CDH2: variants seen among roughly 807,000 people sequenced by gnomAD.
CDH2 encodes cadherin 2.
In CDH2, 17 loss-of-function variants were observed where a neutral mutation model predicts 92.0. The ratio of observed to expected loss-of-function variants is 0.18; its 90% CI spans 0.13 to 0.28. CDH2 has a LOEUF of 0.28. Among genes scored for constraint, CDH2 ranks in the 10% least tolerant of loss-of-function variants. CDH2 has a pLI of 1.00. For missense variants in CDH2, 862 were observed against 1,133.1 expected (o/e 0.76, Z 3.44); for synonymous variants, 419 against 415.9 (o/e 1.01, Z -0.09).
chr18:28,051,487 G>A (rs1199301356), intron 2 of CDH2, among the ~76,000 whole-genome samples: 1 of 152,194 alleles, frequency 6.6e-6, no homozygotes, highest in Non-Finnish European at 1.5e-5. Flanking sequence ...TATAAGGTAA[G>A]AGAAAGTGAT....
intron 2 of CDH2, among the ~76,000 whole-genome samples, chr18:28,115,526 TTCCTGGTA>T: frequency 6.6e-6 from 1 of 152,218 alleles, no homozygotes. Flanking sequence ...CTTCCACTGG[TTCCTGGTA>T]TCTTGCTCAG....
intron 2 of CDH2, among the ~76,000 whole-genome samples, chr18:28,118,102 GT>G (rs35084872): frequency 0.24 from 34,705 of 146,846 alleles, 4,465 homozygotes; most frequent in Non-Finnish European, 0.3. Flanking sequence ...GCTGAGTTCT[GT>G]TTTTTTTTTT....
intron 2 of CDH2, among the ~76,000 whole-genome samples, chr18:28,108,563 C>T (rs986060110): frequency 6.6e-6 from 1 of 152,102 alleles, no homozygotes; most frequent in African/African-American, 2.4e-5. Flanking sequence ...TGTAACAGAA[C>T]CCATCCAATT....
intron 2 of CDH2, among the ~76,000 whole-genome samples, chr18:28,015,745 G>A (rs1567965132): frequency 6.6e-6 from 1 of 152,050 alleles, no homozygotes; most frequent in Non-Finnish European, 1.5e-5. Context: ...AGCCTCCTGG[G>A]TAGTCTTCCC....
intron 1 of CDH2, among the ~76,000 whole-genome samples, chr18:28,175,832 C>A (rs1384853067): frequency 1.3e-5 from 2 of 152,216 alleles, no homozygotes; most frequent in African/African-American, 4.8e-5. Flanking sequence ...TGCCCCGCGG[C>A]GAGGGTGGGC....
At chr18:28,111,095 C>T (rs17536229) in intron 2 of CDH2, among the ~76,000 whole-genome samples, 1 of 152,166 alleles carries the variant, frequency 6.6e-6, no homozygotes, top group Non-Finnish European at 1.5e-5. Context: ...GCTCTCCTAT[C>T]GACTCCCAAG....
intron 10 of CDH2, 37 bp from the exon 11 acceptor site, chr18:27,988,703 A>C: frequency 6.8e-7 from 1 of 1,475,442 alleles, no homozygotes; most frequent in Non-Finnish European, 9.4e-7. Flanking sequence ...TCTTTTTATG[A>C]AACTTTAAAA....
In CDH2 at chr18:27,963,778, A is replaced by G. The variant is rs1273018896; in HGVS notation, c.2350-257T>C. The G allele has an allele frequency of 1.8e-5, 8 of 436,200 alleles. No homozygotes were observed. In the East Asian group the frequency reaches 3.3e-4, roughly 18 times the overall value. 27.0% of individuals were successfully genotyped at this position (436,200 alleles called of 1,614,324 possible). On this transcript the variant is annotated intron_variant, in intron 14 of 15. Coordinates refer to ENST00000269141, the MANE Select transcript of CDH2 (RefSeq NM_001792.5). ...TCATCAGTTTCCAATGAAAAACAGC[A>G]GTGTGATGAGGTCTCACTATAAAAC...
At chr18:28,147,829 C>T (rs1287015673) in intron 1 of CDH2, 45 bp from the exon 2 acceptor site, 5 of 1,045,486 alleles carry the variant, frequency 4.8e-6, no homozygotes, top group Middle Eastern at 2.1e-4. Flanking sequence ...ATGATTGCTA[C>T]CTCCTTCAAC....
At chr18:27,972,559 C>A (rs1437133669) in intron 14 of CDH2, among the ~76,000 whole-genome samples, 1 of 152,156 alleles carries the variant, frequency 6.6e-6, no homozygotes, top group Admixed American at 6.5e-5. Flanking sequence ...AAATATGCAA[C>A]AATGCTAGCA....
chr18:28,139,986 T>C (rs1331811444), intron 2 of CDH2, among the ~76,000 whole-genome samples: 1 of 151,978 alleles, frequency 6.6e-6, no homozygotes, highest in African/African-American at 2.4e-5. Flanking sequence ...CGATCTTCTC[T>C]ATCACAGTCA....
chr18:28,120,577 C>T (rs916636876), intron 2 of CDH2, among the ~76,000 whole-genome samples: 2 of 151,800 alleles, frequency 1.3e-5, no homozygotes, highest in African/African-American at 4.8e-5. Context: ...GGTACATGGC[C>T]GAACACGCTG....
chr18:28,051,226 G>A (rs925796517), intron 2 of CDH2, among the ~76,000 whole-genome samples: 1 of 152,022 alleles, frequency 6.6e-6, no homozygotes, highest in African/African-American at 2.4e-5. Context: ...CAGGGTAGTC[G>A]GGATTTCTCT....
At chr18:28,060,173 C>T (rs2014374135) in intron 2 of CDH2, among the ~76,000 whole-genome samples, 2 of 137,322 alleles carry the variant, frequency 1.5e-5, no homozygotes, top group Non-Finnish European at 3.2e-5. Flanking sequence ...ATAATTCCTC[C>T]TTTACTTATC....
At chr18:28,002,168 G>A (rs925644513) in intron 7 of CDH2, among the ~76,000 whole-genome samples, 2 of 152,204 alleles carry the variant, frequency 1.3e-5, no homozygotes, top group Admixed American at 1.3e-4. Flanking sequence ...AATATGAGCA[G>A]TGCTTGAATC....
At chr18:28,013,617 A>T (rs1217195947) in intron 3 of CDH2, 66 bp downstream of exon 3, 9 of 1,106,786 alleles carry the variant, frequency 8.1e-6, no homozygotes, top group Non-Finnish European at 1.1e-5. Flanking sequence ...AGCAAAGCAT[A>T]TATTTAGTTC....
chr18:28,081,966 C>A (rs28365300), intron 2 of CDH2, among the ~76,000 whole-genome samples: 3,669 of 152,236 alleles, frequency 0.024, 64 homozygotes, highest in East Asian at 0.054. Flanking sequence ...TGAATACCAT[C>A]TTTTTCAGTG....
intron 14 of CDH2, among the ~76,000 whole-genome samples, chr18:27,966,504 A>G (rs1298582569): frequency 6.6e-6 from 1 of 152,210 alleles, no homozygotes; most frequent in African/African-American, 2.4e-5. Flanking sequence ...GAGGCTGCAA[A>G]TAAAATTGCA....
At chr18:28,060,084 C>T (rs938547904) in intron 2 of CDH2, among the ~76,000 whole-genome samples, 2 of 151,964 alleles carry the variant, frequency 1.3e-5, no homozygotes, top group African/African-American at 2.4e-5. Flanking sequence ...TACATAACAA[C>T]GCATAACAGA....
Sources: allele counts gnomAD v4.1 joint callset (sites outside exome capture counted in the v4.1 genomes callset), GRCh38; gene constraint gnomAD v4.1.1; transcripts MANE v1.5; gene names NCBI Gene and HGNC (gene_info 2026-07-23, HGNC 2026-07-21).